Variants in ANKS1B observed in about 807,000 individuals in gnomAD.
ANKS1B encodes the protein ankyrin repeat and sterile alpha motif domain containing 1B.
Under a neutral mutation model 148.3 loss-of-function variants are expected in ANKS1B, and 36 were observed. The ratio of observed to expected loss-of-function variants is 0.24; its 90% CI spans 0.19 to 0.32. The LOEUF (loss-of-function observed/expected upper bound fraction) is 0.32, where lower values mean the gene tolerates loss of function less well. ANKS1B is among the 10% of genes least tolerant of loss of function. ANKS1B has a pLI of 1.00. For synonymous variants in ANKS1B, 542 were observed against 560.8 expected (o/e 0.97, Z 0.47); for missense variants, 1,157 against 1,542.6 (o/e 0.75, Z 4.19).
At chr12:99,158,548 A>T (rs546010613) in intron 14 of ANKS1B, among the ~76,000 whole-genome samples, 1 of 152,304 alleles carries the variant, frequency 6.6e-6, no homozygotes, top group Non-Finnish European at 1.5e-5. Context: ...GCCCCAGTCA[A>T]AAAACTTAAC....
At chr12:99,795,902 T>C (rs1416960029) in intron 4 of ANKS1B, among the ~76,000 whole-genome samples, 2 of 152,044 alleles carry the variant, frequency 1.3e-5, no homozygotes, top group African/African-American at 4.8e-5. Flanking sequence ...CTAGTACAAA[T>C]TTCTTTTTCT....
chr12:99,932,444 C>A (rs1335341245), intron 1 of ANKS1B, among the ~76,000 whole-genome samples: 2 of 152,110 alleles, frequency 1.3e-5, no homozygotes, highest in African/African-American at 4.8e-5. Context: ...TCATTATTGC[C>A]TGTCTTTTGG....
intron 12 of ANKS1B, among the ~76,000 whole-genome samples, chr12:99,329,315 C>T (rs1487316811): frequency 6.6e-6 from 1 of 151,874 alleles, no homozygotes; most frequent in Non-Finnish European, 1.5e-5. Context: ...AAAATTCCCT[C>T]CCATGGATGT....
chr12:98,980,453 G>A (rs1358271757), intron 17 of ANKS1B, among the ~76,000 whole-genome samples: 2 of 152,172 alleles, frequency 1.3e-5, no homozygotes, highest in African/African-American at 2.4e-5. Flanking sequence ...TGATCTGCCC[G>A]CCTCGGCCTC....
At chr12:99,515,462 C>T (rs937210318) in intron 9 of ANKS1B, among the ~76,000 whole-genome samples, 9 of 152,044 alleles carry the variant, frequency 5.9e-5, no homozygotes, top group Admixed American at 3.3e-4. Context: ...TTTCACTTAA[C>T]GTAATGACCT....
intron 14 of ANKS1B, among the ~76,000 whole-genome samples, chr12:99,205,063 C>A (rs1011160870): frequency 6.6e-6 from 1 of 152,080 alleles, no homozygotes; most frequent in African/African-American, 2.4e-5. Context: ...ACCAGGCCCC[C>A]CCCAAAAAGA....
intron 4 of ANKS1B, among the ~76,000 whole-genome samples, chr12:99,796,112 G>C (rs2066222196): frequency 6.6e-6 from 1 of 151,932 alleles, no homozygotes; most frequent in Admixed American, 6.6e-5. Context: ...TAAAATATGG[G>C]TGACTTGAAC....
chr12:99,471,081 G>C (rs2096234500), intron 10 of ANKS1B, among the ~76,000 whole-genome samples: 1 of 152,042 alleles, frequency 6.6e-6, no homozygotes, highest in African/African-American at 2.4e-5. Flanking sequence ...AAATTGAACT[G>C]TTTCAGGATT....
chr12:99,765,561 T>C (rs1335944416), intron 8 of ANKS1B, among the ~76,000 whole-genome samples: 1 of 152,208 alleles, frequency 6.6e-6, no homozygotes, highest in Admixed American at 6.5e-5. Flanking sequence ...TTTCAGCCTA[T>C]TGAGATAATT....
At chr12:99,392,908 G>T (rs1325426696) in intron 12 of ANKS1B, among the ~76,000 whole-genome samples, 1 of 141,128 alleles carries the variant, frequency 7.1e-6, no homozygotes, top group South Asian at 2.4e-4. Context: ...ATATCCAACA[G>T]ATTTTCAAAT....
chr12:98,860,100 AC>A (rs1366116635), intron 17 of ANKS1B, among the ~76,000 whole-genome samples: 1 of 152,264 alleles, frequency 6.6e-6, no homozygotes, highest in East Asian at 1.9e-4. Context: ...ATTTCAAAAA[AC>A]CTGTTCTGTT....
intron 1 of ANKS1B, among the ~76,000 whole-genome samples, chr12:99,971,093 T>C (rs1467745641): frequency 6.6e-6 from 1 of 152,218 alleles, no homozygotes; most frequent in Non-Finnish European, 1.5e-5. Context: ...TGCTGGTTAG[T>C]TGGATAACAC....
chr12:99,055,996 G>T (rs2040070086), intron 16 of ANKS1B, among the ~76,000 whole-genome samples: 1 of 152,172 alleles, frequency 6.6e-6, no homozygotes, highest in African/African-American at 2.4e-5. Flanking sequence ...ATCTTAAAGA[G>T]GTGAGAGGGA....
At chr12:99,079,515 T>A (rs1266684686) in intron 16 of ANKS1B, among the ~76,000 whole-genome samples, 1 of 152,158 alleles carries the variant, frequency 6.6e-6, no homozygotes, top group Non-Finnish European at 1.5e-5. Context: ...CAAAAGTGAA[T>A]ACCAGACGTC....
At position 99,198,028 on chromosome 12, in the gene ANKS1B, C is replaced by T. The variant is rs140412507; in HGVS notation, c.2420-43633G>A. Among the ~76,000 whole-genome samples, 36 of 152,134 alleles carry T rather than the reference C, an allele frequency of 2.4e-4. 1 individual carries two copies. In the East Asian group the frequency reaches 6.4e-3, roughly 27 times the overall value. ...CCACACTGATGCACCCCGCTCAATC[C>T]CAGCCCACTTGGTGAACTCCCTACC... On this transcript the variant is annotated intron_variant, in intron 14 of 26. Coordinates refer to ENST00000683438, the MANE Select transcript of ANKS1B (RefSeq NM_001352186.2).
intron 17 of ANKS1B, among the ~76,000 whole-genome samples, chr12:98,892,497 AAAGG>A (rs1413962910): frequency 2.6e-5 from 4 of 152,230 alleles, no homozygotes; most frequent in African/African-American, 9.6e-5. Context: ...CCGCTATCTT[AAAGG>A]AAGTGATCCC....
At chr12:98,922,347 A>AT (rs1249687512) in intron 17 of ANKS1B, among the ~76,000 whole-genome samples, 1 of 152,158 alleles carries the variant, frequency 6.6e-6, no homozygotes, top group Non-Finnish European at 1.5e-5. Flanking sequence ...TCCCTGCTTC[A>AT]TAAGTGTCAC....
intron 19 of ANKS1B, among the ~76,000 whole-genome samples, chr12:98,818,612 T>G (rs529601609): frequency 6.6e-6 from 1 of 152,328 alleles, no homozygotes; most frequent in East Asian, 1.9e-4. Flanking sequence ...TCAGGGCCAC[T>G]AAAAAGCAGA....
intron 11 of ANKS1B, among the ~76,000 whole-genome samples, chr12:99,422,348 A>G (rs921647587): frequency 6.6e-6 from 1 of 152,190 alleles, no homozygotes; most frequent in South Asian, 2.1e-4. Context: ...TCTTTCCCTC[A>G]AGCACCTCAT....
Sources: allele counts gnomAD v4.1 joint callset (sites outside exome capture counted in the v4.1 genomes callset), GRCh38; gene constraint gnomAD v4.1.1; transcripts MANE v1.5; gene names NCBI Gene and HGNC (gene_info 2026-07-23, HGNC 2026-07-21).